The following VWF variants were observed in gnomAD, a reference collection of about 807,000 sequenced individuals.
The protein encoded by VWF is Factor VIII related antigen.
A neutral mutation model predicts 308.6 loss-of-function variants in VWF; 176 were observed. The observed-to-expected ratio is 0.57, with a 90% confidence interval of 0.50 to 0.65. The LOEUF is 0.65. Ranked by LOEUF, VWF falls within the 30% of genes least tolerant of loss-of-function variation. VWF has a pLI of 0.00. For synonymous variants in VWF, 1,385 were observed against 1,443.4 expected (o/e 0.96, Z 0.92); for missense variants, 3,146 against 3,648.2 (o/e 0.86, Z 3.55).
intron 40 of VWF, among the ~76,000 whole-genome samples, chr12:5,983,808 G>GATAC (rs1422711666): frequency 2.0e-5 from 3 of 151,906 alleles, no homozygotes; most frequent in African/African-American, 7.3e-5. Context: ...TAGATAGATA[G>GATAC]ATAGATAGAT....
Position 5,992,128 on chromosome 12 carries a change from G to A in VWF, c.6599-110C>T, listed in dbSNP as rs185325460. On this transcript the variant is annotated intron_variant, in intron 37 of 51. Coordinates refer to ENST00000261405, the MANE Select transcript of VWF (RefSeq NM_000552.5). ...CAGACAAACTTGCCAGGGCAGAGAC[G>A]GCTATTTTCCACCAATCTTCATCCT... The A allele has an allele frequency of 2.8e-4, 291 of 1,057,914 alleles. 1 individual carries two copies. In the African/African-American group the frequency reaches 4.0e-3, roughly 15 times the overall value. 65.5% of individuals were successfully genotyped at this position (1,057,914 alleles called of 1,614,324 possible).
intron 5 of VWF, among the ~76,000 whole-genome samples, chr12:6,108,168 G>C (rs1056088723): frequency 6.6e-6 from 1 of 151,514 alleles, no homozygotes; most frequent in African/African-American, 2.4e-5. Flanking sequence ...GTGACACCTG[G>C]ATGTAGTCCC....
chr12:5,962,932 T>G (rs891773693), intron 47 of VWF, among the ~76,000 whole-genome samples: 1 of 152,218 alleles, frequency 6.6e-6, no homozygotes, highest in Non-Finnish European at 1.5e-5. Flanking sequence ...ACCCACTGGA[T>G]AGCCACATGG....
At chr12:5,985,231 C>T (rs1228254250) in intron 39 of VWF, 112 bp from the exon 40 acceptor site, 11 of 1,138,004 alleles carry the variant, frequency 9.7e-6, no homozygotes, top group Non-Finnish European at 1.5e-5. Flanking sequence ...GTACGGTCAT[C>T]CCACAAGGAT....
At chr12:6,114,146 CGTGAGCCCCTCCTTG>C (rs1213324863) in intron 3 of VWF, among the ~76,000 whole-genome samples, 2 of 152,188 alleles carry the variant, frequency 1.3e-5, no homozygotes, top group East Asian at 3.8e-4. Context: ...AAGGAACCCC[CGTGAGCCCCTCCTTG>C]GTGTTTCTCC....
At position 6,095,518 on chromosome 12, in the gene VWF, C is replaced by A. The variant is rs1309327221; in HGVS notation, c.599G>T (p.Cys200Phe). Residue 200 changes from cysteine to phenylalanine, a missense_variant, in exon 6 of 52, where the codon TGT becomes TTT. Cys to Phe is a radical substitution (Grantham distance 205, BLOSUM62 -2). Around this residue, in one of 3 missense-constraint regions of VWF, gnomAD observed 1,304 missense variants for 1,353.0 expected, o/e 0.96. Transcript: ENST00000261405. Reference protein sequence around the residue: ...SWALSSGEQWCERASPPSSSC... With the variant: ...SWALSSGEQWFERASPPSSSC... ...GCTGCTGGGAGGAGATGCCCGTTCACACCACTGTTCTCCACTGCTCAGAGC... is the reference window on the plus strand; with the variant it reads ...GCTGCTGGGAGGAGATGCCCGTTCAAACCACTGTTCTCCACTGCTCAGAGC... The A allele has an allele frequency of 3.7e-6, 6 of 1,614,052 alleles. No individual in the cohort carries two copies. In the African/African-American group the frequency reaches 8.0e-5, roughly 22 times the overall value.
At chr12:6,027,594 A>G (rs942320512) in intron 22 of VWF, among the ~76,000 whole-genome samples, 2 of 152,132 alleles carry the variant, frequency 1.3e-5, no homozygotes, top group African/African-American at 4.8e-5. Context: ...GGAGAAAAAA[A>G]GTAGAAGATG....
chr12:5,980,139 AAAG>A (rs1943585629), intron 42 of VWF, among the ~76,000 whole-genome samples: 1 of 71,796 alleles, frequency 1.4e-5, no homozygotes, highest in Admixed American at 1.5e-4. Context: ...AGGAAGGAAG[AAAG>A]GAGTGAGGGA....
Position 5,952,254 on chromosome 12 carries a change from C to A in VWF, c.8115+137G>T, listed in dbSNP as rs1236378863. 2.4e-6 allele frequency: 3 copies of A among 1,253,526 alleles called. No individual in the cohort carries two copies. The African/African-American group carries it at 4.4e-5, about 19-fold the overall frequency. 77.7% of individuals were successfully genotyped at this position (1,253,526 alleles called of 1,614,324 possible). A position where few individuals can be genotyped will look rare whatever the true frequency, so the allele number is the denominator to read the frequency against. ...TCTCCGTAGGCTTTGATTTCGTAAT[C>A]TCACTGATTCTTCAACTAGGCCAGA... On this transcript the variant is annotated intron_variant, in intron 49 of 51. Coordinates refer to ENST00000261405, the MANE Select transcript of VWF (RefSeq NM_000552.5).
chr12:5,968,164 C>T lies in VWF; in HGVS notation c.7733G>A (p.Arg2578His), dbSNP rs770499408. The change falls in exon 46 of 52, where the codon CGC becomes CAC. Residue 2578 changes from arginine to histidine, a missense_variant. By Grantham distance (29) the Arg-to-His change is conservative. This residue lies in a region of VWF where 989 missense variants were observed against 1,117.4 expected (regional missense o/e 0.89). Transcript: ENST00000261405. ...GCCATTGAGCATGCAGGCCTCCATG[C>T]GCTCTGGGGGAGAGAAAAGTGCAGA... is the stretch of plus-strand genomic sequence containing the variant. ...SACCPSCRCE[R>H]MEACMLNGTV... is the part of the protein sequence containing the mutation. 27 of 1,613,922 alleles carry T rather than the reference C, an allele frequency of 1.7e-5. No individual in the cohort carries two copies. The highest frequency in any genetic ancestry group is 4.0e-5 in the African/African-American group (3 of 74,930).
intron 10 of VWF, among the ~76,000 whole-genome samples, chr12:6,070,208 C>T (rs1944765068): frequency 6.6e-6 from 1 of 152,204 alleles, no homozygotes; most frequent in Non-Finnish European, 1.5e-5. Flanking sequence ...CTCCTTCGTG[C>T]CTTCTTTAAG....
intron 10 of VWF, among the ~76,000 whole-genome samples, chr12:6,066,286 T>C (rs1399457723): frequency 2.6e-5 from 4 of 152,212 alleles, no homozygotes; most frequent in Non-Finnish European, 4.4e-5. Context: ...GGCAATCCCA[T>C]CTTCAGGGCC....
intron 38 of VWF, among the ~76,000 whole-genome samples, chr12:5,986,213 C>G (rs1242705298): frequency 6.6e-6 from 1 of 152,192 alleles, no homozygotes; most frequent in Non-Finnish European, 1.5e-5. Flanking sequence ...AGCCCCACAG[C>G]ACAAGGCTTT....
At chr12:6,103,952 AAAG>A in intron 5 of VWF, among the ~76,000 whole-genome samples, 1 of 152,238 alleles carries the variant, frequency 6.6e-6, no homozygotes, top group South Asian at 2.1e-4. Context: ...CTGCACAGCA[AAAG>A]AAATCATCAA....
At chr12:5,994,692 A>G in intron 35 of VWF, 85 bp from the exon 36 acceptor site, 1 of 1,219,188 alleles carries the variant, frequency 8.2e-7, no homozygotes, top group Non-Finnish European at 1.2e-6. Context: ...GTTCCTGCAC[A>G]TTCATCACAC....
intron 14 of VWF, 142 bp from the exon 15 acceptor site, chr12:6,057,214 C>T: frequency 1.4e-6 from 1 of 699,446 alleles, no homozygotes; most frequent in East Asian, 3.0e-5. Flanking sequence ...AAATGCCACC[C>T]CCACCCCCAA....
rs116677595 is a variant in VWF at position 6,121,004 on chromosome 12, G to A, written c.220+170C>T. ...ACCCGGCTCCCGTGGGGAGAGACCCGGGGAAAGCCAAGAGGGGCTACGTGT... is the reference window on the plus strand; with the variant it reads ...ACCCGGCTCCCGTGGGGAGAGACCCAGGGAAAGCCAAGAGGGGCTACGTGT... On this transcript the variant is annotated intron_variant, in intron 3 of 51. Transcript: ENST00000261405. 3.3e-3 allele frequency among the ~76,000 whole-genome samples: 510 copies of A among 152,254 alleles called. 2 individuals carry two copies. The highest frequency in any genetic ancestry group is 0.012 in the African/African-American group (481 of 41,536).
intron 32 of VWF, among the ~76,000 whole-genome samples, chr12:6,012,703 ATTTT>A (rs148790795): frequency 7.6e-6 from 1 of 130,798 alleles, no homozygotes; most frequent in Admixed American, 7.7e-5. Context: ...GTGTGTGTGT[ATTTT>A]TTTTTTTTTT....
At chr12:6,112,436 T>G (rs1441919070) in intron 3 of VWF, among the ~76,000 whole-genome samples, 1 of 152,132 alleles carries the variant, frequency 6.6e-6, no homozygotes, top group Non-Finnish European at 1.5e-5. Flanking sequence ...GAGTCTGGTC[T>G]CAAGCCTTGG....
Sources: allele counts gnomAD v4.1 joint callset (sites outside exome capture counted in the v4.1 genomes callset), GRCh38; gene constraint gnomAD v4.1.1; regional missense constraint gnomAD v4.1.1; transcripts MANE v1.5; gene names NCBI Gene and HGNC (gene_info 2026-07-23, HGNC 2026-07-21).